Variants in MAPK4 observed in about 807,000 individuals in gnomAD.
MAPK4 encodes Erk3-related.
MAPK4 carries 22 observed loss-of-function variants against 47.7 expected under a neutral mutation model. The ratio of observed to expected loss-of-function variants is 0.46; its 90% CI spans 0.33 to 0.66. The LOEUF (loss-of-function observed/expected upper bound fraction) is 0.66, where lower values mean the gene tolerates loss of function less well. Among genes scored for constraint, MAPK4 ranks in the 30% least tolerant of loss-of-function variants. The pLI is 0.02. For synonymous variants in MAPK4, 390 were observed against 365.7 expected (o/e 1.07, Z -0.76); for missense variants, 736 against 831.7 (o/e 0.88, Z 1.42).
chr18:50,696,095 A>C (rs1350675677), intron 2 of MAPK4, among the ~76,000 whole-genome samples: 3 of 143,482 alleles, frequency 2.1e-5, no homozygotes, highest in Non-Finnish European at 4.5e-5. Context: ...GGCTCCCCTG[A>C]TTAAAAAAAA....
intron 2 of MAPK4, among the ~76,000 whole-genome samples, chr18:50,691,831 G>A (rs1411529441): frequency 1.3e-5 from 2 of 152,090 alleles, no homozygotes; most frequent in Non-Finnish European, 2.9e-5. Flanking sequence ...AGCCAGGACT[G>A]GTTTTAGCCA....
chr18:50,693,830 GA>G (rs35843604), intron 2 of MAPK4, among the ~76,000 whole-genome samples: 65,627 of 152,066 alleles, frequency 0.43, 15,081 homozygotes, highest in Non-Finnish European at 0.52. Flanking sequence ...CTGGGCTTAT[GA>G]AACGAGTGAG....
At chr18:50,628,536 G>A (rs966157792) in intron 1 of MAPK4, among the ~76,000 whole-genome samples, 2 of 152,180 alleles carry the variant, frequency 1.3e-5, no homozygotes, top group South Asian at 2.1e-4. Flanking sequence ...TTAAGATTTC[G>A]CAAAGTGTTT....
chr18:50,675,193 G>A (rs759277101), intron 2 of MAPK4, among the ~76,000 whole-genome samples: 45 of 152,234 alleles, frequency 3.0e-4, no homozygotes, highest in Admixed American at 5.9e-4. Context: ...AAGCCCAGTG[G>A]CAGCTCAGAG....
At chr18:50,680,055 G>A (rs1908497548) in intron 2 of MAPK4, among the ~76,000 whole-genome samples, 2 of 140,880 alleles carry the variant, frequency 1.4e-5, no homozygotes, top group South Asian at 4.8e-4. Flanking sequence ...CAGTAGAACA[G>A]TGCTTTTATA....
chr18:50,578,411 AG>A (rs1476591305), intron 1 of MAPK4, among the ~76,000 whole-genome samples: 2 of 152,244 alleles, frequency 1.3e-5, no homozygotes, highest in Non-Finnish European at 2.9e-5. Flanking sequence ...GGTATAGGAT[AG>A]GGTCCAAGAA....
In MAPK4 at chr18:50,614,116, T is replaced by G. The variant is rs1205126817; in HGVS notation, c.-870-48973T>G. ...TTATGCCTGTTGGGTATTCTGCTAA[T>G]GGACAATGTTTGGATGAAACAATAA... On this transcript the variant is annotated intron_variant, in intron 1 of 5. Coordinates refer to ENST00000400384, the MANE Select transcript of MAPK4 (RefSeq NM_002747.4). 2.0e-5 allele frequency among the ~76,000 whole-genome samples: 3 copies of G among 152,202 alleles called. No homozygotes were observed. The East Asian group carries it at 5.8e-4, about 29-fold the overall frequency.
intron 2 of MAPK4, among the ~76,000 whole-genome samples, chr18:50,674,725 T>G (rs978176975): frequency 6.6e-6 from 1 of 152,206 alleles, no homozygotes; most frequent in Non-Finnish European, 1.5e-5. Flanking sequence ...TATCCCCACG[T>G]TACTGTGATG....
chr18:50,621,005 A>G (rs1048024397), intron 1 of MAPK4, among the ~76,000 whole-genome samples: 1 of 152,196 alleles, frequency 6.6e-6, no homozygotes, highest in Non-Finnish European at 1.5e-5. Flanking sequence ...GCTATTAAAG[A>G]AGAAAAACAG....
rs543466998 is a variant in MAPK4, at chr18:50,728,417, C to A, written c.1068-741C>A. ...AATCTTTCTGTAGGTCCCACCTGCC[C>A]TGCGTCAATGCAAGGTGCTATGGGG... On this transcript the variant is annotated intron_variant, in intron 5 of 5. Transcript: ENST00000400384. 5.9e-5 allele frequency among the ~76,000 whole-genome samples: 9 copies of A among 152,292 alleles called. No individual in the cohort carries two copies. In the South Asian group the frequency reaches 1.9e-3, roughly 32 times the overall value.
intron 1 of MAPK4, among the ~76,000 whole-genome samples, chr18:50,613,452 C>T (rs2042657685): frequency 1.3e-5 from 2 of 152,176 alleles, no homozygotes; most frequent in Admixed American, 6.5e-5. Context: ...GGATTCTTCC[C>T]CAGGCAAGCC....
At chr18:50,620,088 C>A (rs2042718506) in intron 1 of MAPK4, among the ~76,000 whole-genome samples, 1 of 152,222 alleles carries the variant, frequency 6.6e-6, no homozygotes, top group Non-Finnish European at 1.5e-5. Flanking sequence ...ATTTATTTGT[C>A]CCAAAGATTA....
intron 2 of MAPK4, among the ~76,000 whole-genome samples, chr18:50,668,365 C>G (rs1481623312): frequency 1.3e-5 from 2 of 152,228 alleles, no homozygotes; most frequent in Non-Finnish European, 2.9e-5. Flanking sequence ...ATCCCCTCCT[C>G]TAGCGCAGGG....
At chr18:50,677,567 G>GTT (rs201686461) in intron 2 of MAPK4, among the ~76,000 whole-genome samples, 1 of 146,292 alleles carries the variant, frequency 6.8e-6, no homozygotes, top group African/African-American at 2.6e-5. Flanking sequence ...TTTTTTTGTT[G>GTT]TTTTTTTTTT....
intron 1 of MAPK4, among the ~76,000 whole-genome samples, chr18:50,573,799 A>G (rs1234736047): frequency 6.6e-6 from 1 of 152,242 alleles, no homozygotes; most frequent in Non-Finnish European, 1.5e-5. Flanking sequence ...GGTCACATAT[A>G]TCCTCCATGG....
At chr18:50,679,353 G>T (rs1052666518) in intron 2 of MAPK4, among the ~76,000 whole-genome samples, 2 of 152,216 alleles carry the variant, frequency 1.3e-5, no homozygotes, top group Non-Finnish European at 2.9e-5. Flanking sequence ...CTCTGGGTCG[G>T]AAGCTAGGGA....
Position 50,729,524 on chromosome 18 carries a change from C to T in MAPK4, c.1434C>T (p.Asp478=). Residue 478 remains aspartate, a synonymous_variant, in exon 6 of 6, where the codon GAC becomes GAT. Coordinates refer to ENST00000400384, the MANE Select transcript of MAPK4 (RefSeq NM_002747.4). ...GAPPTATGLA[D]TGAREDEPAS... is the part of the protein sequence containing the mutation. The stretch of plus-strand genomic sequence containing the variant: ...CCCCCACGGCCACGGGGCTGGCGGA[C>T]ACGGGGGCGCGCGAGGACGAGCCGG... 2 of 1,436,030 alleles carry T rather than the reference C, an allele frequency of 1.4e-6. No individual in the cohort carries two copies. Among genetic ancestry groups the T allele is most frequent in the Non-Finnish European group, 1.8e-6 (2 of 1,094,954 alleles). 89.0% of individuals were successfully genotyped at this position (1,436,030 alleles called of 1,614,324 possible).
intron 1 of MAPK4, among the ~76,000 whole-genome samples, chr18:50,592,166 G>T (rs951953470): frequency 6.6e-6 from 1 of 152,162 alleles, no homozygotes; most frequent in Admixed American, 6.5e-5. Context: ...AGTAAGAAAT[G>T]AGATTGGGAA....
chr18:50,603,318 G>A (rs941613556), intron 1 of MAPK4, among the ~76,000 whole-genome samples: 3 of 152,148 alleles, frequency 2.0e-5, no homozygotes, highest in Non-Finnish European at 2.9e-5. Flanking sequence ...GAGTCAAAGT[G>A]GCTGCATTAG....
Sources: gnomAD v4.1 joint callset for allele counts (sites outside exome capture counted in the v4.1 genomes callset) on GRCh38, gnomAD v4.1.1 for gene constraint, MANE v1.5 for transcripts, NCBI Gene and HGNC (gene_info 2026-07-23, HGNC 2026-07-21) for gene names.